EIF4B: variants seen among roughly 807,000 people sequenced by gnomAD.
The protein encoded by EIF4B is eukaryotic translation initiation factor 4B.
A neutral mutation model predicts 79.3 loss-of-function variants in EIF4B; 8 were observed. The observed-to-expected ratio is 0.10, with a 90% CI of 0.06 to 0.18. The LOEUF is 0.18. EIF4B is among the 10% of genes least tolerant of loss of function. The pLI, the probability that EIF4B is intolerant of heterozygous loss-of-function variation, is 1.00. For missense variants in EIF4B, 515 were observed against 792.4 expected, an observed-to-expected ratio of 0.65 and a Z score of 4.20; for synonymous variants, 238 against 274.7, an observed-to-expected ratio of 0.87 and a Z score of 1.32.
At chr12:53,040,061 C>G (rs1284090508) in intron 14 of EIF4B, 82 bp from the exon 15 acceptor site, 1 of 1,515,326 alleles carries the variant, frequency 6.6e-7, no homozygotes, top group Non-Finnish European at 9.1e-7. Flanking sequence ...CCCCCATTGC[C>G]AAAGGATCAG....
intron 1 of EIF4B, among the ~76,000 whole-genome samples, chr12:53,015,681 A>AG (rs1440282483): frequency 1.0e-4 from 1 of 9,878 alleles, no homozygotes; most frequent in Admixed American, 4.8e-3. Context: ...ACCCTGTCTC[A>AG]AAAAAAAAAA....
chr12:53,032,258 A>G (rs560555578), intron 8 of EIF4B, among the ~76,000 whole-genome samples: 4 of 152,262 alleles, frequency 2.6e-5, no homozygotes, highest in Admixed American at 6.5e-5. Flanking sequence ...CCTGGCCAAC[A>G]TGGTGAAGCC....
chr12:53,015,012 C>T (rs1481681712), intron 1 of EIF4B: 1 of 152,202 alleles, frequency 6.6e-6, no homozygotes, highest in Non-Finnish European at 1.5e-5. Context: ...CTAAATATTC[C>T]ATAACTGTGG....
At chr12:53,031,680 C>CAT (rs1274699469) in intron 8 of EIF4B, among the ~76,000 whole-genome samples, 1 of 152,188 alleles carries the variant, frequency 6.6e-6, no homozygotes, top group African/African-American at 2.4e-5. Flanking sequence ...TGTTTAGGAA[C>CAT]ATATATAAAC....
chr12:53,024,036 C>T (rs1192385824), intron 6 of EIF4B, among the ~76,000 whole-genome samples: 3 of 152,116 alleles, frequency 2.0e-5, no homozygotes, highest in Non-Finnish European at 4.4e-5. Context: ...CAAGAAAATC[C>T]TGTCTTTATT....
chr12:53,016,087 AT>A (rs1398141523), intron 1 of EIF4B, among the ~76,000 whole-genome samples: 1 of 152,180 alleles, frequency 6.6e-6, no homozygotes, highest in Non-Finnish European at 1.5e-5. Context: ...TGAGATACGA[AT>A]TTTTATTGAT....
chr12:53,024,267 TAAAA>T (rs1472570906), intron 6 of EIF4B, among the ~76,000 whole-genome samples: 1 of 152,162 alleles, frequency 6.6e-6, no homozygotes, highest in Non-Finnish European at 1.5e-5. Flanking sequence ...TACTACCTAG[TAAAA>T]ATAAATAAAT....
chr12:53,021,430 G>A lies in EIF4B; in HGVS notation c.478-376G>A, dbSNP rs1281792782. On this transcript the variant is annotated intron_variant, in intron 4 of 14. Coordinates refer to ENST00000262056, the MANE Select transcript of EIF4B (RefSeq NM_001417.7). The stretch of plus-strand genomic sequence containing the variant: ...CTGTAGGTACATGCCACTGCACCTG[G>A]CTTCTATAAATTTTGATAAATAATT... 2.0e-5 allele frequency among the ~76,000 whole-genome samples: 3 copies of A among 152,090 alleles called. No individual in the cohort carries two copies. The East Asian group carries it at 5.8e-4, about 29-fold the overall frequency.
rs1328741864 is a variant in EIF4B, at chr12:53,016,533, G to A, written c.74G>A (p.Gly25Glu). Reference sequence around the variant, plus strand: ...CTAACAGACTTTCTGGCTGAGGATGGGGGTACTGGTGGAGGAAGCACCTAT... The same window carrying A: ...CTAACAGACTTTCTGGCTGAGGATGAGGGTACTGGTGGAGGAAGCACCTAT... ...ISLTDFLAED[G>E]GTGGGSTYVS... The change falls in exon 2 of 15, where the codon GGG becomes GAG. Residue 25 changes from glycine to glutamate, a missense_variant. This residue lies in a region of EIF4B where 105 missense variants were observed against 177.2 expected (regional missense o/e 0.59). Transcript: ENST00000262056. 1 of 1,613,596 alleles carries A rather than the reference G, an allele frequency of 6.2e-7. No individual in the cohort carries two copies. Among genetic ancestry groups the A allele is most frequent in the Non-Finnish European group, 8.5e-7 (1 of 1,179,916 alleles).
intron 3 of EIF4B, 71 bp downstream of exon 3, chr12:53,019,077 G>A: frequency 6.6e-7 from 1 of 1,521,924 alleles, no homozygotes; most frequent in South Asian, 1.2e-5. Context: ...TTGTGGAATG[G>A]GCAGTTGCTG....
intron 4 of EIF4B, among the ~76,000 whole-genome samples, chr12:53,020,525 G>A (rs948595464): frequency 6.6e-6 from 1 of 152,104 alleles, no homozygotes; most frequent in Non-Finnish European, 1.5e-5. Context: ...TAGTCCTTCT[G>A]CTTGTCAACA....
rs368108461 is a variant in EIF4B at position 53,040,788 on chromosome 12, CT to C, written c.*577del. 1.7e-3 allele frequency: 247 copies of C among 147,826 alleles called. No homozygotes were observed. Among genetic ancestry groups the C allele is most frequent in the African/African-American group, 5.1e-3 (203 of 40,190 alleles). 9.2% of individuals were successfully genotyped at this position (147,826 alleles called of 1,614,324 possible). ...TTGGGGGCCAGCCTAGAGGGAATTC[CT>C]TTTTTTTTTTTAACCCCCCAGGGGG... On this transcript the variant is annotated 3_prime_UTR_variant, in exon 15 of 15. Transcript: ENST00000262056.
intron 12 of EIF4B, 102 bp from the exon 13 acceptor site, chr12:53,039,136 A>G: frequency 1.2e-6 from 1 of 800,742 alleles, no homozygotes; most frequent in Non-Finnish European, 2.0e-6. Context: ...AGTTTCCCTC[A>G]GTACATGTGG....
chr12:53,035,455 G>C (rs1200730957), intron 10 of EIF4B, among the ~76,000 whole-genome samples: 1 of 151,120 alleles, frequency 6.6e-6, no homozygotes, highest in African/African-American at 2.4e-5. Context: ...TGCAAGTTCT[G>C]CCTCCCGGGT....
chr12:53,023,293 C>T (rs952623243), intron 6 of EIF4B, among the ~76,000 whole-genome samples: 17 of 152,140 alleles, frequency 1.1e-4, no homozygotes, highest in Non-Finnish European at 4.4e-5. Context: ...AGTGCAGTGG[C>T]GTGACCTTGG....
intron 6 of EIF4B, among the ~76,000 whole-genome samples, chr12:53,023,051 G>C (rs1471929028): frequency 1.3e-5 from 2 of 152,018 alleles, no homozygotes; most frequent in Non-Finnish European, 2.9e-5. Context: ...AGTCCTAGCT[G>C]TTCAGCAAGC....
intron 6 of EIF4B, among the ~76,000 whole-genome samples, chr12:53,027,088 A>G (rs1426458570): frequency 1.4e-5 from 2 of 144,002 alleles, no homozygotes; most frequent in Non-Finnish European, 3.0e-5. Flanking sequence ...CCGGGAGTCC[A>G]AGACCAGCCT....
rs955058342 is a variant in EIF4B at position 53,027,912 on chromosome 12, T to C, written c.798T>C (p.Tyr266=). The change falls in exon 7 of 15, where the codon TAT becomes TAC. Residue 266 remains tyrosine (Y), a synonymous_variant. Coordinates refer to ENST00000262056, the MANE Select transcript of EIF4B (RefSeq NM_001417.7). ...ATGATGACCGAGGCAGCAGAGACTA[T>C]GATAGAGGTAATTGTAAAACATGTC... is the stretch of plus-strand genomic sequence containing the variant. ...DRYDDRGSRD[Y]DRGYDSRIGS... is the part of the protein sequence containing the mutation. 5 of 1,614,058 alleles carry C rather than the reference T, an allele frequency of 3.1e-6. No individual in the cohort carries two copies. Among genetic ancestry groups the C allele is most frequent in the Non-Finnish European group, 4.2e-6 (5 of 1,179,926 alleles).
chr12:53,007,484 A>G (rs1055579738), intron 1 of EIF4B, among the ~76,000 whole-genome samples: 1 of 147,288 alleles, frequency 6.8e-6, no homozygotes, highest in Non-Finnish European at 1.5e-5. Flanking sequence ...GTACTTTTAA[A>G]ATAGTGCTTA....
Sources: gnomAD v4.1 joint callset for allele counts (sites outside exome capture counted in the v4.1 genomes callset) on GRCh38, gnomAD v4.1.1 for gene constraint, gnomAD v4.1.1 regional missense constraint, MANE v1.5 for transcripts, NCBI Gene and HGNC (gene_info 2026-07-23, HGNC 2026-07-21) for gene names.